RAB3B: variants seen among roughly 807,000 people sequenced by gnomAD.
RAB3B encodes the protein RAB3B, member RAS oncogene family, also known as ras-related protein Rab-3B.
Under a neutral mutation model 20.5 loss-of-function variants are expected in RAB3B, and 11 were observed. The ratio of observed to expected loss-of-function variants is 0.54; its 90% confidence interval spans 0.34 to 0.89. RAB3B has a LOEUF of 0.89. RAB3B is among the 40% of genes least tolerant of loss of function. The probability of loss-of-function intolerance (pLI) is 0.02; values close to 1 mark genes in which losing one functional copy is unlikely to be tolerated. For synonymous variants in RAB3B, 99 were observed against 106.3 expected, an observed-to-expected ratio of 0.93 and a Z score of 0.42; for missense variants, 225 against 280.9, an observed-to-expected ratio of 0.80 and a Z score of 1.42.
At chr1:51,979,275 T>C (rs991176866) in intron 1 of RAB3B, among the ~76,000 whole-genome samples, 1 of 151,694 alleles carries the variant, frequency 6.6e-6, no homozygotes, top group African/African-American at 2.4e-5. Context: ...ATGCTTTTTT[T>C]TTTTTTTTTT....
Position 51,924,622 on chromosome 1 carries a change from A to C in RAB3B, c.473-4508T>G, listed in dbSNP as rs185757031. 1.6e-4 allele frequency among the ~76,000 whole-genome samples: 25 copies of C among 152,144 alleles called. No individual in the cohort carries two copies. In the East Asian group the frequency reaches 4.5e-3, roughly 27 times the overall value. ...AGTCAGCAGGGGGCCAAACAGGGGG[A>C]GCTCTTGTGTCATGCCAAAGAGATG... On this transcript the variant is annotated intron_variant, in intron 4 of 4. Coordinates refer to ENST00000371655, the MANE Select transcript of RAB3B (RefSeq NM_002867.4).
intron 1 of RAB3B, among the ~76,000 whole-genome samples, chr1:51,988,679 C>T (rs1685179975): frequency 1.3e-5 from 2 of 152,208 alleles, no homozygotes. Flanking sequence ...ATTCAATCAA[C>T]ATTCACCAAG....
chr1:51,936,062 C>T (rs974441928), intron 3 of RAB3B, among the ~76,000 whole-genome samples: 1 of 152,126 alleles, frequency 6.6e-6, no homozygotes, highest in African/African-American at 2.4e-5. Context: ...CTGGGAGAAG[C>T]GAAGTCCTCG....
At chr1:51,971,739 G>GT (rs994806203) in intron 2 of RAB3B, among the ~76,000 whole-genome samples, 11 of 152,236 alleles carry the variant, frequency 7.2e-5, no homozygotes, top group Admixed American at 6.5e-4. Flanking sequence ...ACCACACTAT[G>GT]TTTTTTCAAT....
At chr1:51,924,812 C>T (rs1201517006) in intron 4 of RAB3B, among the ~76,000 whole-genome samples, 2 of 152,114 alleles carry the variant, frequency 1.3e-5, no homozygotes, top group Non-Finnish European at 1.5e-5. Flanking sequence ...TTAGTAGGTC[C>T]ATATGGTAAC....
chr1:51,943,436 C>T (rs1360237991), intron 2 of RAB3B, among the ~76,000 whole-genome samples: 1 of 151,814 alleles, frequency 6.6e-6, no homozygotes, highest in African/African-American at 2.4e-5. Flanking sequence ...CCACAATGGC[C>T]TCTAAGTGTT....
chr1:51,968,299 T>G (rs1684883469), intron 2 of RAB3B, among the ~76,000 whole-genome samples: 1 of 152,230 alleles, frequency 6.6e-6, no homozygotes, highest in Non-Finnish European at 1.5e-5. Flanking sequence ...GTAATTTTAG[T>G]GCAGCAACAG....
At chr1:51,969,654 C>T (rs1010857098) in intron 2 of RAB3B, among the ~76,000 whole-genome samples, 1 of 152,070 alleles carries the variant, frequency 6.6e-6, no homozygotes, top group African/African-American at 2.4e-5. Context: ...TCTCTGACTC[C>T]TGCATCTATT....
chr1:51,949,597 G>A (rs1233109990), intron 2 of RAB3B, among the ~76,000 whole-genome samples: 1 of 152,216 alleles, frequency 6.6e-6, no homozygotes, highest in Non-Finnish European at 1.5e-5. Flanking sequence ...GGCTTGACCA[G>A]GCATGTCACC....
rs1026019614 is a variant in RAB3B at position 51,918,339 on chromosome 1, T to C, written c.*1588A>G. 1 of 152,186 alleles carries C rather than the reference T, an allele frequency of 6.6e-6. No individual in the cohort carries two copies. The highest frequency in any genetic ancestry group is 1.5e-5 in the Non-Finnish European group (1 of 68,044). 9.4% of individuals were successfully genotyped at this position (152,186 alleles called of 1,614,324 possible). A position where few individuals can be genotyped will look rare whatever the true frequency, so the allele number is the denominator to read the frequency against. On this transcript the variant is annotated 3_prime_UTR_variant, in exon 5 of 5. Transcript: ENST00000371655. ...GCTCAAGAGCAGTTAAAAGATGGAT[T>C]GGAGGAAAAGGGCAGGATAGGGAGA...
chr1:51,925,842 A>C (rs192171387), intron 4 of RAB3B, among the ~76,000 whole-genome samples: 239 of 152,370 alleles, frequency 1.6e-3, no homozygotes, highest in Non-Finnish European at 2.4e-3. Context: ...GTGATGGAAG[A>C]ACTAAGAAGC....
At position 51,914,523 on chromosome 1, in the gene RAB3B, C is replaced by T. The variant is rs1684054399; in HGVS notation, c.*5404G>A. ...AGCAAGAACTGTGTCTAATTTGCCACTACTTGTATCCTGGCACATAATATA... is the reference window on the plus strand; with the variant it reads ...AGCAAGAACTGTGTCTAATTTGCCATTACTTGTATCCTGGCACATAATATA... On this transcript the variant is annotated 3_prime_UTR_variant, in exon 5 of 5. Coordinates refer to ENST00000371655, the MANE Select transcript of RAB3B (RefSeq NM_002867.4). 1 of 152,132 alleles carries T rather than the reference C, an allele frequency of 6.6e-6. No homozygotes were observed. Among genetic ancestry groups the T allele is most frequent in the Non-Finnish European group, 1.5e-5 (1 of 68,038 alleles). The allele number at this position is 152,132 out of a possible 1,614,324, so 9.4% of individuals were successfully genotyped here. A position where few individuals can be genotyped will look rare whatever the true frequency, so the allele number is the denominator to read the frequency against.
At chr1:51,940,484 G>A (rs536535764) in intron 2 of RAB3B, among the ~76,000 whole-genome samples, 4 of 152,230 alleles carry the variant, frequency 2.6e-5, no homozygotes, top group South Asian at 2.1e-4. Context: ...TTAGCCAGGT[G>A]TAGTGGTGTA....
intron 2 of RAB3B, among the ~76,000 whole-genome samples, chr1:51,942,160 C>T (rs1467843545): frequency 6.6e-6 from 1 of 152,200 alleles, no homozygotes; most frequent in Non-Finnish European, 1.5e-5. Context: ...GCCACTCTTC[C>T]TGGTCTAGAA....
chr1:51,981,332 T>C (rs1685085394), intron 1 of RAB3B, among the ~76,000 whole-genome samples: 1 of 152,166 alleles, frequency 6.6e-6, no homozygotes, highest in Non-Finnish European at 1.5e-5. Context: ...CCAGCTGCAT[T>C]ATTTTCTTAA....
chr1:51,968,373 T>C (rs1684884355), intron 2 of RAB3B, among the ~76,000 whole-genome samples: 1 of 152,212 alleles, frequency 6.6e-6, no homozygotes. Flanking sequence ...TGACTGTACA[T>C]TCTTAAATTC....
rs768371728 is a variant in RAB3B, at chr1:51,937,409, T to C, written c.232A>G (p.Thr78Ala). ...GTCCGGTACCGCTCCTGCCCAGCTGTGTCCTGGGCAGGAAAAGAAAAGAAA... is the reference window on the plus strand; with the variant it reads ...GTCCGGTACCGCTCCTGCCCAGCTGCGTCCTGGGCAGGAAAAGAAAAGAAA... ...EKRVKLQIWD[T>A]AGQERYRTIT... The change falls in exon 3 of 5, where the codon ACA (threonine) becomes GCA (alanine). Residue 78 changes from threonine to alanine, a missense_variant. By Grantham distance (58) the Thr-to-Ala change is moderately conservative. Coordinates refer to ENST00000371655, the MANE Select transcript of RAB3B (RefSeq NM_002867.4). The C allele has an allele frequency of 6.4e-7, 1 of 1,565,284 alleles. No individual in the cohort carries two copies. Among genetic ancestry groups the C allele is most frequent in the Non-Finnish European group, 8.6e-7 (1 of 1,159,456 alleles).
At chr1:51,957,993 C>A (rs1295072393) in intron 2 of RAB3B, among the ~76,000 whole-genome samples, 1 of 152,198 alleles carries the variant, frequency 6.6e-6, no homozygotes, top group Non-Finnish European at 1.5e-5. Context: ...CAGGGTCCAA[C>A]CTCAGAATTG....
chr1:51,984,263 T>TAAAAAAAAAA (rs1166997647), intron 1 of RAB3B, among the ~76,000 whole-genome samples: 3 of 20,676 alleles, frequency 1.5e-4, no homozygotes, highest in African/African-American at 3.6e-4. Context: ...ACTCTCTAAT[T>TAAAAAAAAAA]AAAAAAAAAA....
Sources: gnomAD v4.1 joint callset for allele counts (sites outside exome capture counted in the v4.1 genomes callset) on GRCh38, gnomAD v4.1.1 for gene constraint, MANE v1.5 for transcripts, NCBI Gene and HGNC (gene_info 2026-07-23, HGNC 2026-07-21) for gene names.